SHPK: variants seen among roughly 807,000 people sequenced by gnomAD.
SHPK encodes carbohydrate kinase-like protein.
Under a neutral mutation model 46.3 loss-of-function variants are expected in SHPK, and 51 were observed. That is an observed-to-expected ratio of 1.10 (90% confidence interval 0.88 to 1.39). The LOEUF is 1.39. Among genes scored for constraint, SHPK ranks in the 40% most tolerant of loss-of-function variants. The pLI is 0.00. For missense variants in SHPK, 668 were observed against 641.3 expected, an observed-to-expected ratio of 1.04 and a Z score of -0.45; for synonymous variants, 290 against 273.9, an observed-to-expected ratio of 1.06 and a Z score of -0.58.
chr17:3,632,104 G>T lies in SHPK; in HGVS notation c.169-1758C>A, dbSNP rs368850642. Among the ~76,000 whole-genome samples, 135 of 151,432 alleles carry T rather than the reference G, an allele frequency of 8.9e-4. 7 individuals are homozygous for T. The South Asian group carries it at 0.023, about 26-fold the overall frequency. On this transcript the variant is annotated intron_variant, in intron 1 of 6. Coordinates refer to ENST00000225519, the MANE Select transcript of SHPK (RefSeq NM_013276.4). ...CCCAAGTACCTGGGACTATAGGTGC[G>T]CGCCACCACACCCGGCTAATTTTTG...
intron 1 of SHPK, among the ~76,000 whole-genome samples, chr17:3,635,119 C>T (rs978939991): frequency 5.3e-5 from 8 of 150,694 alleles, no homozygotes; most frequent in Middle Eastern, 3.4e-3. Context: ...TTGCAGTGAG[C>T]CCAGATCACG....
rs150410890 is a variant in SHPK, at chr17:3,614,526, A to AAAAAGAAAAG, written c.1024+801_1024+810dup. 3.4e-3 allele frequency among the ~76,000 whole-genome samples: 500 copies of AAAAAGAAAAG among 146,394 alleles called. 6 individuals are homozygous for AAAAAGAAAAG. Among genetic ancestry groups the AAAAAGAAAAG allele is most frequent in the African/African-American group, 0.012 (476 of 38,266 alleles). ...GGCAACAGAGCGAGACTCCATCTCA[A>AAAAAGAAAAG]AAAAGAAAAGAAAAGAAAAGAAAAG... On this transcript the variant is annotated intron_variant, in intron 6 of 6. Transcript: ENST00000225519.
chr17:3,611,604 G>A (rs1340044348), intron 6 of SHPK, among the ~76,000 whole-genome samples: 7 of 151,964 alleles, frequency 4.6e-5, no homozygotes, highest in African/African-American at 1.2e-4. Context: ...CATCATGGAT[G>A]TCATTGGGGT....
chr17:3,636,244 A>G lies in SHPK; in HGVS notation c.-25T>C, dbSNP rs771852268. The G allele has an allele frequency of 1.2e-4, 197 of 1,577,600 alleles. No individual in the cohort carries two copies. The highest frequency in any genetic ancestry group is 1.6e-4 in the Non-Finnish European group (189 of 1,157,672). On this transcript the variant is annotated 5_prime_UTR_variant, in exon 1 of 7. Coordinates refer to ENST00000225519, the MANE Select transcript of SHPK (RefSeq NM_013276.4). ...TTATCTCCCTGACCCGCGCAGCTCC[A>G]GTCTGCAGCCAGCGGCCCCACAAGT...
chr17:3,633,313 C>T (rs1385500120), intron 1 of SHPK, among the ~76,000 whole-genome samples: 1 of 151,486 alleles, frequency 6.6e-6, no homozygotes, highest in Non-Finnish European at 1.5e-5. Context: ...GGTTCCTACT[C>T]GGGGTGGTCT....
intron 2 of SHPK, among the ~76,000 whole-genome samples, 177 bp downstream of exon 2, chr17:3,630,028 A>ACATTGGTAC (rs1396759603): frequency 8.5e-5 from 13 of 152,096 alleles, no homozygotes; most frequent in African/African-American, 3.1e-4. Context: ...TGTTCACCTA[A>ACATTGGTAC]CATTGGTACA....
rs1398594230 is a variant in SHPK, at chr17:3,615,478, C to G, written c.883G>C (p.Ala295Pro). Residue 295 changes from alanine to proline, a missense_variant, in exon 6 of 7, where the codon GCA becomes CCA. By Grantham distance (27) the Ala-to-Pro change is conservative. Coordinates refer to ENST00000225519, the MANE Select transcript of SHPK (RefSeq NM_013276.4). The part of the protein sequence containing the change: ...AASMPSGFQP[A>P]QTPDPTAPVA... ...GGGGCCGTAGGGTCTGGAGTCTGTGCAGGCTGGAATCCTGAAGGCATGGAG... is the reference window on the plus strand; with the variant it reads ...GGGGCCGTAGGGTCTGGAGTCTGTGGAGGCTGGAATCCTGAAGGCATGGAG... 1 of 1,614,170 alleles carries G rather than the reference C, an allele frequency of 6.2e-7. No individual in the cohort carries two copies. The highest frequency in any genetic ancestry group is 8.5e-7 in the Non-Finnish European group (1 of 1,180,026).
chr17:3,611,935 C>G (rs1049646071), intron 6 of SHPK, among the ~76,000 whole-genome samples: 1 of 150,742 alleles, frequency 6.6e-6, no homozygotes, highest in African/African-American at 2.4e-5. Flanking sequence ...TCCCAGGTAG[C>G]TGGGATTACA....
At chr17:3,621,161 G>T in intron 5 of SHPK, 76 bp downstream of exon 5, 4 of 1,250,262 alleles carry the variant, frequency 3.2e-6, no homozygotes, top group Non-Finnish European at 4.4e-6. Context: ...TGTGTGCCCT[G>T]CAGACTCGCA....
In SHPK at chr17:3,624,171, A is replaced by C. The variant is rs993196012; in HGVS notation, c.371T>G (p.Leu124Arg). 3 of 1,614,198 alleles carry C rather than the reference A, an allele frequency of 1.9e-6. No homozygotes were observed. Among genetic ancestry groups the C allele is most frequent in the Non-Finnish European group, 2.5e-6 (3 of 1,180,006 alleles). The change falls in exon 3 of 7, where the codon CTG becomes CGG. Residue 124 changes from leucine to arginine, a missense_variant. Transcript: ENST00000225519. ...PVFEPRAVSH[L>R]VTWQDGRCSS... ...ACATCGGCCATCCTGCCACGTGACC[A>C]GGTGGCTAACAGCTCGGGGCTCGAA...
intron 6 of SHPK, among the ~76,000 whole-genome samples, chr17:3,613,462 G>A (rs934019560): frequency 9.2e-5 from 14 of 151,910 alleles, no homozygotes; most frequent in East Asian, 1.9e-4. Context: ...TCTGCATCTC[G>A]GGTTCAAGTG....
At chr17:3,611,079 C>G in intron 6 of SHPK, 107 bp from the exon 7 acceptor site, 1 of 1,044,622 alleles carries the variant, frequency 9.6e-7, no homozygotes, top group Non-Finnish European at 1.4e-6. Context: ...TGCTGCTTCT[C>G]CTCCCGCTGC....
intron 1 of SHPK, among the ~76,000 whole-genome samples, chr17:3,631,811 C>T (rs920278999): frequency 1.3e-5 from 2 of 151,820 alleles, no homozygotes; most frequent in Admixed American, 6.6e-5. Context: ...TGTGAGCCAC[C>T]GCACCCAGCC....
Position 3,610,994 on chromosome 17 carries a change from T to C in SHPK, c.1025-22A>G, listed in dbSNP as rs139228120. On this transcript the variant is annotated intron_variant, in intron 6 of 6. Transcript: ENST00000225519. ...AGGCCTGCCAGAGACAGAGAAGATC[T>C]GTGTAAGCTCATGCGTCCCCCTCAG... 3.9e-4 allele frequency: 613 copies of C among 1,582,068 alleles called. 9 individuals are homozygous for C. The South Asian group carries it at 5.1e-3, about 13-fold the overall frequency.
chr17:3,620,517 T>C (rs149118), intron 5 of SHPK, among the ~76,000 whole-genome samples: 151,727 of 151,762 alleles, frequency 1, 75,846 homozygotes, highest in Middle Eastern at 1. Context: ...CCACCTGCCT[T>C]GGCCTCCCAA....
chr17:3,619,026 A>G (rs2075384246), intron 5 of SHPK, among the ~76,000 whole-genome samples: 1 of 119,778 alleles, frequency 8.3e-6, no homozygotes, highest in Non-Finnish European at 1.7e-5. Flanking sequence ...TCCCACTAGC[A>G]TGTTCTCACT....
rs766477951 is a variant in SHPK at position 3,630,380 on chromosome 17, G to A, written c.169-34C>T. 2.5e-6 allele frequency: 4 copies of A among 1,580,746 alleles called. No individual in the cohort carries two copies. In the East Asian group the frequency reaches 9.0e-5, roughly 36 times the overall value. ...AAAAGAGAACACATGGGCAGGGGCAGACACACAGGCAGGGGGAGGGGCGCA... is the reference window on the plus strand; with the variant it reads ...AAAAGAGAACACATGGGCAGGGGCAAACACACAGGCAGGGGGAGGGGCGCA... On this transcript the variant is annotated intron_variant, in intron 1 of 6. Transcript: ENST00000225519.
chr17:3,615,380 C>T lies in SHPK; in HGVS notation c.981G>A (p.Leu327=). The T allele has an allele frequency of 5.6e-6, 9 of 1,614,194 alleles. No homozygotes were observed. The highest frequency in any genetic ancestry group is 7.6e-6 in the Non-Finnish European group (9 of 1,180,034). Residue 327 remains leucine (L), a synonymous_variant, in exon 6 of 7, where the codon CTG becomes CTA. Coordinates refer to ENST00000225519, the MANE Select transcript of SHPK (RefSeq NM_013276.4). ...VAASLNGGNV[L]ATFVHMLVQW... ...GAACCAGCATGTGGACGAACGTGGCCAGCACATTGCCCCCGTTGAGTGACG... is the reference window on the plus strand; with the variant it reads ...GAACCAGCATGTGGACGAACGTGGCTAGCACATTGCCCCCGTTGAGTGACG...
At chr17:3,619,533 G>A (rs940218835) in intron 5 of SHPK, 2 of 537,180 alleles carry the variant, frequency 3.7e-6, no homozygotes, top group Non-Finnish European at 6.7e-6. Flanking sequence ...AAGAGATTGA[G>A]ACCATCCTGG....
Sources: allele counts gnomAD v4.1 joint callset (sites outside exome capture counted in the v4.1 genomes callset), GRCh38; gene constraint gnomAD v4.1.1; transcripts MANE v1.5; gene names NCBI Gene and HGNC (gene_info 2026-07-23, HGNC 2026-07-21).